Variants in SEMA3A observed in about 807,000 individuals in gnomAD.
The protein encoded by SEMA3A is semaphorin 3A.
Under a neutral mutation model 97.9 loss-of-function variants are expected in SEMA3A, and 29 were observed. The ratio of observed to expected loss-of-function variants is 0.30; its 90% CI spans 0.22 to 0.40. The LOEUF is 0.40. Among genes scored for constraint, SEMA3A ranks in the 10% least tolerant of loss-of-function variants. The probability of loss-of-function intolerance (pLI) is 1.00; values close to 1 mark genes in which losing one functional copy is unlikely to be tolerated. For missense variants in SEMA3A, 763 were observed against 951.3 expected, an observed-to-expected ratio of 0.80 and a Z score of 2.60; for synonymous variants, 321 against 323.7, an observed-to-expected ratio of 0.99 and a Z score of 0.09.
At chr7:84,229,869 A>C (rs1389367841) in intron 3 of SEMA3A, among the ~76,000 whole-genome samples, 1 of 151,914 alleles carries the variant, frequency 6.6e-6, no homozygotes, top group Non-Finnish European at 1.5e-5. Flanking sequence ...TGTAGTAAAG[A>C]ACAACTTCCT....
chr7:84,478,200 G>A (rs922745741), intron 1 of SEMA3A, among the ~76,000 whole-genome samples: 4 of 152,146 alleles, frequency 2.6e-5, no homozygotes, highest in African/African-American at 7.2e-5. Context: ...CTCTGGCAAA[G>A]CTAAAAATAA....
At chr7:84,110,658 G>A (rs1795252668) in intron 3 of SEMA3A, 69 bp from the exon 4 acceptor site, 3 of 1,517,736 alleles carry the variant, frequency 2.0e-6, no homozygotes, top group Admixed American at 2.1e-5. Flanking sequence ...TAGGGTGCTA[G>A]GCATGCTGGA....
At chr7:84,448,543 C>T (rs1184835688) in intron 1 of SEMA3A, among the ~76,000 whole-genome samples, 1 of 151,788 alleles carries the variant, frequency 6.6e-6, no homozygotes, top group South Asian at 2.1e-4. Flanking sequence ...ATGAAGAAAG[C>T]AATTTCATGT....
intron 12 of SEMA3A, among the ~76,000 whole-genome samples, chr7:83,992,614 T>C (rs1790008401): frequency 6.6e-6 from 1 of 151,936 alleles, no homozygotes; most frequent in South Asian, 2.1e-4. Context: ...TCAGTTTCCA[T>C]GTAGTTGAGT....
At chr7:84,265,536 A>G (rs1437083530) in intron 3 of SEMA3A, among the ~76,000 whole-genome samples, 1 of 147,656 alleles carries the variant, frequency 6.8e-6, no homozygotes, top group African/African-American at 2.5e-5. Flanking sequence ...TATATATTAT[A>G]TATTTTATAT....
intron 3 of SEMA3A, among the ~76,000 whole-genome samples, chr7:84,232,837 G>C (rs1456243670): frequency 6.6e-6 from 1 of 151,848 alleles, no homozygotes; most frequent in Non-Finnish European, 1.5e-5. Context: ...TGCTCTTCTA[G>C]GTGCTTTCCC....
intron 4 of SEMA3A, among the ~76,000 whole-genome samples, chr7:84,102,467 A>C (rs1794985038): frequency 6.6e-6 from 1 of 152,148 alleles, no homozygotes; most frequent in Non-Finnish European, 1.5e-5. Flanking sequence ...AAAGCTATGC[A>C]GACCAAATGT....
chr7:83,985,562 G>A, intron 12 of SEMA3A, 85 bp from the exon 13 acceptor site: 1 of 1,079,216 alleles, frequency 9.3e-7, no homozygotes, highest in South Asian at 1.3e-5. Context: ...ACTGCCATTA[G>A]TTTTCAGAGA....
At chr7:84,460,033 A>G (rs1233576538) in intron 1 of SEMA3A, among the ~76,000 whole-genome samples, 1 of 152,196 alleles carries the variant, frequency 6.6e-6, no homozygotes, top group Non-Finnish European at 1.5e-5. Context: ...TCTCAAAACA[A>G]GCAAACAAAC....
intron 2 of SEMA3A, among the ~76,000 whole-genome samples, chr7:84,336,788 G>A (rs536150329): frequency 1.4e-4 from 21 of 152,124 alleles, no homozygotes; most frequent in South Asian, 6.2e-4. Context: ...ATGCATACAC[G>A]TACACTTTAC....
chr7:84,062,714 G>A (rs1291167804), intron 4 of SEMA3A, among the ~76,000 whole-genome samples: 1 of 152,192 alleles, frequency 6.6e-6, no homozygotes, highest in Non-Finnish European at 1.5e-5. Context: ...TTTCCGGCGG[G>A]CTTAAAAAAC....
chr7:84,008,171 G>C (rs6976382), intron 9 of SEMA3A, among the ~76,000 whole-genome samples: 28,060 of 152,064 alleles, frequency 0.18, 2,705 homozygotes, highest in South Asian at 0.22. Flanking sequence ...CAGATAGACT[G>C]GAAGTAAGCC....
chr7:84,383,217 ATAAT>A (rs1286139130), intron 1 of SEMA3A, among the ~76,000 whole-genome samples: 6 of 152,178 alleles, frequency 3.9e-5, no homozygotes, highest in Non-Finnish European at 5.9e-5. Flanking sequence ...AAATTGAAAA[ATAAT>A]GAATGATAGA....
At chr7:84,352,216 T>A (rs907849363) in intron 2 of SEMA3A, among the ~76,000 whole-genome samples, 4 of 151,902 alleles carry the variant, frequency 2.6e-5, no homozygotes, top group African/African-American at 9.7e-5. Context: ...TGATTGACAG[T>A]TACCAGAGGC....
intron 6 of SEMA3A, among the ~76,000 whole-genome samples, chr7:84,031,520 A>G (rs922475212): frequency 1.3e-5 from 2 of 152,126 alleles, no homozygotes; most frequent in African/African-American, 4.8e-5. Context: ...ATACGTAATA[A>G]TAACTTATTG....
chr7:84,404,589 T>C (rs1205752113), intron 1 of SEMA3A, among the ~76,000 whole-genome samples: 5 of 152,032 alleles, frequency 3.3e-5, no homozygotes, highest in Non-Finnish European at 5.9e-5. Context: ...AGACACATAA[T>C]TGTCAGATTC....
intron 4 of SEMA3A, among the ~76,000 whole-genome samples, chr7:84,084,917 A>G (rs892248718): frequency 6.6e-6 from 1 of 152,116 alleles, no homozygotes; most frequent in African/African-American, 2.4e-5. Context: ...TGATTCCAAG[A>G]TAGTATGTGT....
At chr7:84,223,162 G>A (rs1004580879) in intron 3 of SEMA3A, among the ~76,000 whole-genome samples, 15 of 151,742 alleles carry the variant, frequency 9.9e-5, no homozygotes, top group Non-Finnish European at 1.6e-4. Context: ...TAAAAATAAT[G>A]CTAACAATAA....
chr7:84,283,241 T>C (rs1029471344), intron 3 of SEMA3A, among the ~76,000 whole-genome samples: 1 of 152,008 alleles, frequency 6.6e-6, no homozygotes, highest in African/African-American at 2.4e-5. Flanking sequence ...AGAAGCAGTA[T>C]ACCGATGAAC....
Sources: gnomAD v4.1 joint callset for allele counts (sites outside exome capture counted in the v4.1 genomes callset) on GRCh38, gnomAD v4.1.1 for gene constraint, MANE v1.5 for transcripts, NCBI Gene and HGNC (gene_info 2026-07-23, HGNC 2026-07-21) for gene names.